The following IL23R variants were observed in gnomAD, a reference collection of about 807,000 sequenced individuals.
IL23R encodes the protein interleukin-23 receptor.
A neutral mutation model predicts 56.9 loss-of-function variants in IL23R; 34 were observed. That is an observed-to-expected ratio of 0.60 (90% confidence interval 0.45 to 0.80). The LOEUF (loss-of-function observed/expected upper bound fraction) is 0.80, where lower values mean the gene tolerates loss of function less well. Among genes scored for constraint, IL23R ranks in the 30% least tolerant of loss-of-function variants. The probability of loss-of-function intolerance (pLI) is 0.00; values close to 1 mark genes in which losing one functional copy is unlikely to be tolerated. For missense variants in IL23R, 635 were observed against 730.0 expected (o/e 0.87, Z 1.50); for synonymous variants, 230 against 249.2 (o/e 0.92, Z 0.73).
intron 3 of IL23R, among the ~76,000 whole-genome samples, chr1:67,182,167 G>A (rs574205656): frequency 3.9e-5 from 6 of 152,244 alleles, no homozygotes; most frequent in South Asian, 2.1e-4. Flanking sequence ...GCTGTCAGAC[G>A]GGGACATTTA....
intron 6 of IL23R, among the ~76,000 whole-genome samples, chr1:67,213,532 A>T (rs947054732): frequency 6.6e-6 from 1 of 152,192 alleles, no homozygotes; most frequent in African/African-American, 2.4e-5. Context: ...GTTTCAGGCA[A>T]TGATGGATGG....
intron 4 of IL23R, among the ~76,000 whole-genome samples, chr1:67,190,568 A>G (rs1261619345): frequency 1.3e-5 from 2 of 152,124 alleles, no homozygotes; most frequent in East Asian, 3.8e-4. Context: ...GGCTCAGTGT[A>G]TTCTACTCCA....
At chr1:67,228,363 C>CTTTTTTTTT (rs78083258) in intron 7 of IL23R, among the ~76,000 whole-genome samples, 4,894 of 105,306 alleles carry the variant, frequency 0.046, 293 homozygotes, top group Non-Finnish European at 0.057. Flanking sequence ...TTTTTTCTTC[C>CTTTTTTTTT]TTTTTTTTTT....
chr1:67,146,302 T>C (rs1401208393), intron 1 of IL23R, among the ~76,000 whole-genome samples: 1 of 152,168 alleles, frequency 6.6e-6, no homozygotes, highest in Non-Finnish European at 1.5e-5. Context: ...ACAGTGCCTG[T>C]CGATGTCTAT....
At chr1:67,254,784 C>A (rs1231840708) in intron 9 of IL23R, among the ~76,000 whole-genome samples, 2 of 152,222 alleles carry the variant, frequency 1.3e-5, no homozygotes, top group African/African-American at 2.4e-5. Flanking sequence ...TTGGTACAAC[C>A]TTTCTGCCCA....
intron 7 of IL23R, among the ~76,000 whole-genome samples, chr1:67,221,575 A>G (rs1034259029): frequency 4.6e-5 from 7 of 152,184 alleles, no homozygotes; most frequent in African/African-American, 1.7e-4. Flanking sequence ...CAGTTGAAGC[A>G]CATAATAAAA....
At position 67,255,392 on chromosome 1, in the gene IL23R, A is replaced by G. The variant is rs547384150; in HGVS notation, c.1149-445A>G. 1.5e-3 allele frequency among the ~76,000 whole-genome samples: 234 copies of G among 152,326 alleles called. 1 individual carries two copies. Among genetic ancestry groups the G allele is most frequent in the African/African-American group, 5.5e-3 (229 of 41,570 alleles). On this transcript the variant is annotated intron_variant, in intron 9 of 10. Transcript: ENST00000347310. ...CACAATTTCCCACTTAATTTTCATT[A>G]AGTAAGAGATGAAAACTTTAGCCTC...
At chr1:67,228,017 TCTTCCTTTCTTTCTTTTCTTTCTTTC>T (rs759450263) in intron 7 of IL23R, among the ~76,000 whole-genome samples, 2,898 of 103,990 alleles carry the variant, frequency 0.028, 407 homozygotes, top group Non-Finnish European at 0.039. Context: ...TTTCTTTCTT[TCTTCCTTTCTTTCTTTTCTTTCTTTC>T]TCTTTCTTTC....
chr1:67,235,396 CTT>C (rs9326074), intron 7 of IL23R, among the ~76,000 whole-genome samples: 13,969 of 140,320 alleles, frequency 0.1, 835 homozygotes, highest in East Asian at 0.22. Flanking sequence ...TTTCTTTTTT[CTT>C]TTTTTTTTTT....
chr1:67,156,724 C>T (rs1437829315), intron 1 of IL23R, among the ~76,000 whole-genome samples: 7 of 152,160 alleles, frequency 4.6e-5, no homozygotes, highest in Non-Finnish European at 5.9e-5. Context: ...AATTTAAAGC[C>T]AGTGGTTTTT....
At chr1:67,227,240 G>A (rs547262479) in intron 7 of IL23R, among the ~76,000 whole-genome samples, 1 of 152,234 alleles carries the variant, frequency 6.6e-6, no homozygotes, top group African/African-American at 2.4e-5. Flanking sequence ...ACAATGGCTA[G>A]CCAGGAATCT....
intron 9 of IL23R, among the ~76,000 whole-genome samples, chr1:67,255,042 T>C (rs1292728037): frequency 1.3e-5 from 2 of 152,214 alleles, no homozygotes; most frequent in African/African-American, 4.8e-5. Context: ...GTCACCATCA[T>C]TACAACCCTA....
intron 1 of IL23R, among the ~76,000 whole-genome samples, chr1:67,143,052 A>AT (rs947470174): frequency 1.3e-4 from 20 of 151,484 alleles, no homozygotes; most frequent in Non-Finnish European, 1.0e-4. Flanking sequence ...TGAGAGATTA[A>AT]TTTTTTTTTC....
intron 7 of IL23R, among the ~76,000 whole-genome samples, chr1:67,223,581 T>C (rs372176504): frequency 2.0e-5 from 3 of 152,200 alleles, no homozygotes; most frequent in East Asian, 3.8e-4. Flanking sequence ...GTAAAAGCAA[T>C]GTAAGTTTAC....
intron 10 of IL23R, among the ~76,000 whole-genome samples, chr1:67,257,979 G>T (rs1226144000): frequency 6.6e-6 from 1 of 151,948 alleles, no homozygotes; most frequent in African/African-American, 2.4e-5. Flanking sequence ...TGGGATTACA[G>T]GCCTTATCCA....
chr1:67,146,469 T>A (rs150610309), intron 1 of IL23R, among the ~76,000 whole-genome samples: 1 of 152,292 alleles, frequency 6.6e-6, no homozygotes, highest in Non-Finnish European at 1.5e-5. Flanking sequence ...TACCCATATT[T>A]TTATTGAACC....
intron 4 of IL23R, among the ~76,000 whole-genome samples, chr1:67,183,942 TA>T (rs1647202143): frequency 6.6e-6 from 1 of 152,134 alleles, no homozygotes; most frequent in South Asian, 2.1e-4. Context: ...TATTAAAAAA[TA>T]AAATTCCAGG....
Position 67,182,929 on chromosome 1 carries a change from T to C in IL23R, c.461T>C (p.Ile154Thr). 1 of 1,614,098 alleles carries C rather than the reference T, an allele frequency of 6.2e-7. No individual in the cohort carries two copies. The highest frequency in any genetic ancestry group is 8.5e-7 in the Non-Finnish European group (1 of 1,179,946). The change falls in exon 4 of 11, where the codon ATA (isoleucine) becomes ACA (threonine). Residue 154 changes from isoleucine (I) to threonine (T), a missense_variant. Physicochemically the swap from Ile to Thr is moderately conservative, Grantham distance 89 (BLOSUM62 -1). Transcript: ENST00000347310. ...CTWNAGKLTYIDTKYVVHVKS... is the reference protein window; with the variant it reads ...CTWNAGKLTYTDTKYVVHVKS... ...TGGAATGCTGGGAAGCTCACCTACA[T>C]AGACACAAAATACGTGGTACATGTG... is the stretch of plus-strand genomic sequence containing the variant.
chr1:67,147,964 C>T (rs946950944), intron 1 of IL23R, among the ~76,000 whole-genome samples: 12 of 152,146 alleles, frequency 7.9e-5, no homozygotes, highest in African/African-American at 2.7e-4. Context: ...GGTTCTTGGC[C>T]TCATGGATTC....
Sources: allele counts gnomAD v4.1 joint callset (sites outside exome capture counted in the v4.1 genomes callset), GRCh38; gene constraint gnomAD v4.1.1; transcripts MANE v1.5; gene names NCBI Gene and HGNC (gene_info 2026-07-23, HGNC 2026-07-21).